Variants in FHIT observed in about 807,000 individuals in gnomAD.
FHIT encodes fragile histidine triad diadenosine triphosphatase, also known as bis(5'-adenosyl)-triphosphatase.
Under a neutral mutation model 17.9 loss-of-function variants are expected in FHIT, and 19 were observed. The observed-to-expected ratio is 1.06, with a 90% CI of 0.74 to 1.56. The LOEUF (loss-of-function observed/expected upper bound fraction) is 1.56. Among genes scored for constraint, FHIT ranks in the 40% most tolerant of loss-of-function variants. FHIT has a pLI of 0.00. For missense variants in FHIT, 248 were observed against 189.2 expected, an observed-to-expected ratio of 1.31 and a Z score of -1.82; for synonymous variants, 81 against 69.7, an observed-to-expected ratio of 1.16 and a Z score of -0.81.
chr3:60,311,146 T>C (rs1373783554), intron 5 of FHIT, among the ~76,000 whole-genome samples: 2 of 152,202 alleles, frequency 1.3e-5, no homozygotes, highest in Non-Finnish European at 2.9e-5. Context: ...GGATCTTATT[T>C]AGTGTTCCTA....
At chr3:60,448,402 G>A (rs2107358070) in intron 5 of FHIT, among the ~76,000 whole-genome samples, 1 of 152,228 alleles carries the variant, frequency 6.6e-6, no homozygotes, top group East Asian at 1.9e-4. Context: ...GTATCAAGTG[G>A]TATCAACTGA....
intron 2 of FHIT, among the ~76,000 whole-genome samples, chr3:61,046,625 T>A (rs1426464768): frequency 1.3e-5 from 2 of 152,180 alleles, no homozygotes; most frequent in African/African-American, 4.8e-5. Flanking sequence ...GAGGGAATCA[T>A]CCCTAACTCA....
intron 5 of FHIT, among the ~76,000 whole-genome samples, chr3:60,462,646 G>T (rs1325612216): frequency 3.9e-5 from 6 of 152,164 alleles, no homozygotes; most frequent in Non-Finnish European, 7.3e-5. Context: ...GGCTTGGAGA[G>T]CAGGAGGACT....
At chr3:60,509,313 T>C (rs553954982) in intron 5 of FHIT, among the ~76,000 whole-genome samples, 2 of 152,288 alleles carry the variant, frequency 1.3e-5, no homozygotes, top group East Asian at 1.9e-4. Context: ...TGAGGCCTGT[T>C]TGTGCTTAGC....
intron 8 of FHIT, among the ~76,000 whole-genome samples, chr3:59,883,687 C>A (rs951172071): frequency 6.6e-6 from 1 of 152,210 alleles, no homozygotes; most frequent in Non-Finnish European, 1.5e-5. Context: ...TAGTGTGCTA[C>A]CGCACGTCTC....
chr3:60,180,030 T>C (rs1052607768), intron 5 of FHIT, among the ~76,000 whole-genome samples: 1 of 152,078 alleles, frequency 6.6e-6, no homozygotes, highest in African/African-American at 2.4e-5. Flanking sequence ...GTAATGTAAA[T>C]ATGGCCAATG....
At chr3:59,886,024 C>T (rs1238494889) in intron 8 of FHIT, among the ~76,000 whole-genome samples, 1 of 152,180 alleles carries the variant, frequency 6.6e-6, no homozygotes. Context: ...TGGGGAACAC[C>T]ATTCCATTGG....
intron 8 of FHIT, among the ~76,000 whole-genome samples, chr3:59,817,414 G>T (rs571684300): frequency 1.3e-5 from 2 of 151,936 alleles, no homozygotes; most frequent in Admixed American, 1.3e-4. Context: ...TGCACAGGAG[G>T]ACCACTTTTA....
At chr3:60,098,656 T>C (rs1308427017) in intron 5 of FHIT, among the ~76,000 whole-genome samples, 1 of 152,038 alleles carries the variant, frequency 6.6e-6, no homozygotes, top group Non-Finnish European at 1.5e-5. Context: ...TTTTCTCCCA[T>C]TTTGTAGGTT....
intron 2 of FHIT, among the ~76,000 whole-genome samples, chr3:61,064,321 G>A (rs2034530585): frequency 6.6e-6 from 1 of 152,086 alleles, no homozygotes; most frequent in African/African-American, 2.4e-5. Flanking sequence ...CTGTGGTGTT[G>A]AAAGCTCTGG....
intron 4 of FHIT, among the ~76,000 whole-genome samples, chr3:60,689,287 T>A (rs2040932667): frequency 6.6e-6 from 1 of 152,168 alleles, no homozygotes; most frequent in African/African-American, 2.4e-5. Context: ...CTCAGGTATG[T>A]CTTTATCAGC....
intron 5 of FHIT, among the ~76,000 whole-genome samples, chr3:60,206,750 AAT>A (rs1703209640): frequency 3.3e-5 from 5 of 151,600 alleles, no homozygotes; most frequent in African/African-American, 1.2e-4. Flanking sequence ...AGGCTATTTC[AAT>A]AGAGTACATT....
intron 7 of FHIT, among the ~76,000 whole-genome samples, chr3:59,976,238 T>C (rs1424024490): frequency 1.3e-5 from 2 of 152,120 alleles, no homozygotes; most frequent in Non-Finnish European, 2.9e-5. Context: ...GCAAATGCTT[T>C]AGATAAAATC....
intron 7 of FHIT, among the ~76,000 whole-genome samples, chr3:59,979,139 C>T (rs1708540610): frequency 6.6e-6 from 1 of 152,078 alleles, no homozygotes; most frequent in East Asian, 1.9e-4. Flanking sequence ...CTAAAAATGT[C>T]ACACTGAGGC....
chr3:60,244,350 C>T (rs1346295899), intron 5 of FHIT, among the ~76,000 whole-genome samples: 2 of 151,920 alleles, frequency 1.3e-5, no homozygotes, highest in East Asian at 3.9e-4. Context: ...TAAAAGGTCA[C>T]ACAATTGTCA....
chr3:61,229,996 G>A (rs1247311947), intron 1 of FHIT, among the ~76,000 whole-genome samples: 1 of 152,110 alleles, frequency 6.6e-6, no homozygotes, highest in African/African-American at 2.4e-5. Context: ...ACCCAGTAAG[G>A]GAAGTGAGGT....
Position 60,139,746 on chromosome 3 carries a change from G to A in FHIT, c.104-125594C>T, listed in dbSNP as rs533736266. ...TACGTGTTGTATGGAATTACGTCCC[G>A]AGGTTCCTTCCACTATCAATCATCT... On this transcript the variant is annotated intron_variant, in intron 5 of 9. Coordinates refer to ENST00000492590, the MANE Select transcript of FHIT (RefSeq NM_002012.4). Among the ~76,000 whole-genome samples, 7 of 150,430 alleles carry A rather than the reference G, an allele frequency of 4.7e-5. 1 individual carries two copies. Among genetic ancestry groups the A allele is most frequent in the African/African-American group, 7.5e-5 (3 of 40,026 alleles).
chr3:60,372,170 C>A (rs889623148), intron 5 of FHIT, among the ~76,000 whole-genome samples: 2 of 152,228 alleles, frequency 1.3e-5, no homozygotes, highest in African/African-American at 4.8e-5. Context: ...TGGGCCCTGA[C>A]AATGTTGTTT....
intron 3 of FHIT, among the ~76,000 whole-genome samples, chr3:60,950,580 G>C (rs1002006379): frequency 1.3e-5 from 2 of 151,296 alleles, no homozygotes; most frequent in African/African-American, 4.9e-5. Flanking sequence ...GCAGTGGCAC[G>C]ATCTTGGCTC....
Sources: gnomAD v4.1 joint callset for allele counts (sites outside exome capture counted in the v4.1 genomes callset) on GRCh38, gnomAD v4.1.1 for gene constraint, MANE v1.5 for transcripts, NCBI Gene and HGNC (gene_info 2026-07-23, HGNC 2026-07-21) for gene names.